Variants in REDIC1 observed in about 807,000 individuals in gnomAD.
The protein encoded by REDIC1 is regulator of DNA class I crossover intermediates 1, also known as HEI10 Interacting Protein 1.
the REDIC1 span, among the ~76,000 whole-genome samples, chr12:39,696,724 G>A: frequency 6.6e-6 from 1 of 151,934 alleles, no homozygotes; most frequent in African/African-American, 2.4e-5. Flanking sequence ...TTAACAAAGA[G>A]ATTGAAATAA....
chr12:39,837,227 C>T, the REDIC1 span, among the ~76,000 whole-genome samples: 1 of 150,776 alleles, frequency 6.6e-6, no homozygotes, highest in African/African-American at 2.4e-5. Flanking sequence ...CTGAGAAAAA[C>T]AAGCAATGGG....
At chr12:39,758,638 T>C in the REDIC1 span, 1 of 152,022 alleles carries the variant, frequency 6.6e-6, no homozygotes, top group East Asian at 1.9e-4. Flanking sequence ...ATGAATACCT[T>C]GGAAAGACAT....
chr12:39,731,232 G>T, the REDIC1 span, among the ~76,000 whole-genome samples: 2 of 152,132 alleles, frequency 1.3e-5, no homozygotes, highest in African/African-American at 4.8e-5. Flanking sequence ...GGGAGAAGAG[G>T]TGTTCTGGTT....
the REDIC1 span, among the ~76,000 whole-genome samples, chr12:39,849,982 T>C: frequency 6.6e-4 from 101 of 152,192 alleles, 1 homozygote; most frequent in Admixed American, 6.5e-3. Flanking sequence ...TTAAAATCTA[T>C]GGATTCTGTG....
the REDIC1 span, among the ~76,000 whole-genome samples, chr12:39,828,382 G>C: frequency 6.6e-6 from 1 of 150,944 alleles, no homozygotes; most frequent in African/African-American, 2.4e-5. Context: ...TCTAATTTAT[G>C]TGCAGTTACA....
chr12:39,649,096 T>TA, the REDIC1 span, among the ~76,000 whole-genome samples: 2 of 152,058 alleles, frequency 1.3e-5, no homozygotes, highest in South Asian at 4.1e-4. Flanking sequence ...AACATCTGTG[T>TA]AATCTCTATT....
the REDIC1 span, among the ~76,000 whole-genome samples, chr12:39,862,623 C>CA: frequency 9.9e-5 from 15 of 152,172 alleles, no homozygotes; most frequent in Non-Finnish European, 2.2e-4. Context: ...TCTACATTTA[C>CA]AAAGTGAACT....
the REDIC1 span, among the ~76,000 whole-genome samples, chr12:39,666,378 G>T: frequency 6.6e-6 from 1 of 152,082 alleles, no homozygotes; most frequent in Admixed American, 6.6e-5. Flanking sequence ...TTATTGATTT[G>T]CATATGTTGA....
At chr12:39,734,505 T>C in the REDIC1 span, among the ~76,000 whole-genome samples, 1 of 152,222 alleles carries the variant, frequency 6.6e-6, no homozygotes, top group Non-Finnish European at 1.5e-5. Flanking sequence ...AAGTTTTTTA[T>C]TTTTAGTTCT....
chr12:39,711,970 T>A, the REDIC1 span, among the ~76,000 whole-genome samples: 1 of 130,246 alleles, frequency 7.7e-6, no homozygotes, highest in Admixed American at 7.5e-5. Context: ...TATCTATGTA[T>A]ATATACATGT....
At chr12:39,732,462 C>T in the REDIC1 span, among the ~76,000 whole-genome samples, 2,997 of 152,174 alleles carry the variant, frequency 0.02, 95 homozygotes, top group African/African-American at 0.067. Context: ...ATATTAGCAG[C>T]CATTGGTGTT....
the REDIC1 span, among the ~76,000 whole-genome samples, chr12:39,649,512 AT>A: frequency 1.3e-5 from 2 of 150,158 alleles, no homozygotes; most frequent in African/African-American, 4.9e-5. Context: ...AGACATTAGT[AT>A]AAGCTCTCTC....
the REDIC1 span, among the ~76,000 whole-genome samples, chr12:39,681,618 A>C: frequency 6.6e-6 from 1 of 152,184 alleles, no homozygotes; most frequent in Non-Finnish European, 1.5e-5. Context: ...GTATAGCAAA[A>C]TAACATCATT....
chr12:39,867,210 C>CA, the REDIC1 span, among the ~76,000 whole-genome samples: 3 of 152,094 alleles, frequency 2.0e-5, no homozygotes, highest in Non-Finnish European at 4.4e-5. Flanking sequence ...TATTGCCATG[C>CA]AACAGGTAAG....
the REDIC1 span, among the ~76,000 whole-genome samples, chr12:39,744,175 G>A: frequency 6.6e-6 from 1 of 152,180 alleles, no homozygotes; most frequent in Admixed American, 6.5e-5. Flanking sequence ...CATGAAAAGA[G>A]TGGGGTGAAA....
At chr12:39,890,470 C>T in the REDIC1 span, among the ~76,000 whole-genome samples, 1 of 152,060 alleles carries the variant, frequency 6.6e-6, no homozygotes, top group Admixed American at 6.6e-5. Flanking sequence ...GACCTTGAGA[C>T]AGGGAGATTA....
chr12:39,640,897 G>A, the REDIC1 span: 196,914 of 1,268,420 alleles, frequency 0.16, 16,519 homozygotes, highest in African/African-American at 0.29. Context: ...TAAACTGGCA[G>A]TTGTCTTAAA....
the REDIC1 span, among the ~76,000 whole-genome samples, chr12:39,786,508 C>T: frequency 2.0e-5 from 3 of 152,082 alleles, no homozygotes; most frequent in African/African-American, 7.2e-5. Context: ...TGGGGCTGGT[C>T]ATGTGTTCTA....
the REDIC1 span, among the ~76,000 whole-genome samples, chr12:39,670,446 C>G: frequency 6.6e-6 from 1 of 152,180 alleles, no homozygotes; most frequent in Non-Finnish European, 1.5e-5. Context: ...CCACTTTGGC[C>G]TCCCAAAGTA....
Sources: gnomAD v4.1 joint callset for allele counts (sites outside exome capture counted in the v4.1 genomes callset) on GRCh38, gnomAD v4.1.1 for gene constraint, MANE v1.5 for transcripts, NCBI Gene and HGNC (gene_info 2026-07-23, HGNC 2026-07-21) for gene names.